Variants in GRB10 observed in about 807,000 individuals in gnomAD.
GRB10 encodes the protein growth factor receptor-bound protein 10.
A neutral mutation model predicts 80.9 loss-of-function variants in GRB10; 20 were observed. The ratio of observed to expected loss-of-function variants is 0.25; its 90% CI spans 0.17 to 0.36. The LOEUF is 0.36. GRB10 is among the 10% of genes least tolerant of loss of function. GRB10 has a pLI of 1.00. For synonymous variants in GRB10, 291 were observed against 291.5 expected, an observed-to-expected ratio of 1.00 and a Z score of 0.02; for missense variants, 548 against 747.7, an observed-to-expected ratio of 0.73 and a Z score of 3.12.
intron 7 of GRB10, among the ~76,000 whole-genome samples, chr7:50,652,010 C>G (rs1401594324): frequency 6.6e-6 from 1 of 152,224 alleles, no homozygotes; most frequent in Non-Finnish European, 1.5e-5. Context: ...CTCTTCATCT[C>G]AGGCTTCCAT....
intron 4 of GRB10, among the ~76,000 whole-genome samples, chr7:50,710,090 T>C (rs1403536746): frequency 6.6e-6 from 1 of 152,092 alleles, no homozygotes; most frequent in Non-Finnish European, 1.5e-5. Flanking sequence ...CCTTTGGCAC[T>C]TTCTCTGACA....
intron 3 of GRB10, among the ~76,000 whole-genome samples, chr7:50,732,911 G>A (rs2070112256): frequency 6.6e-6 from 1 of 152,086 alleles, no homozygotes; most frequent in Non-Finnish European, 1.5e-5. Flanking sequence ...TGTGGGCCAC[G>A]GCACCTAGTA....
intron 17 of GRB10, among the ~76,000 whole-genome samples, chr7:50,599,946 C>T (rs79531249): frequency 6.6e-6 from 1 of 152,178 alleles, no homozygotes; most frequent in Non-Finnish European, 1.5e-5. Flanking sequence ...ACACCCGCCC[C>T]CAAGGTTCAG....
chr7:50,626,789 C>G (rs751955116), intron 8 of GRB10, 33 bp downstream of exon 8: 1 of 1,613,448 alleles, frequency 6.2e-7, no homozygotes, highest in East Asian at 2.2e-5. Flanking sequence ...ATAAGCATCC[C>G]CAGGTGCCAA....
At chr7:50,710,898 C>T (rs1219905717) in intron 4 of GRB10, 2 of 1,612,710 alleles carry the variant, frequency 1.2e-6, no homozygotes, top group African/African-American at 2.7e-5. Context: ...AGAGGGCCGG[C>T]AGCTTGCATA....
At chr7:50,613,796 G>GTAT (rs989682140) in intron 12 of GRB10, among the ~76,000 whole-genome samples, 2 of 152,172 alleles carry the variant, frequency 1.3e-5, no homozygotes, top group Non-Finnish European at 2.9e-5. Flanking sequence ...AACCGAAAGA[G>GTAT]TATTCCCTGA....
At chr7:50,748,949 C>A (rs575476306) in intron 3 of GRB10, among the ~76,000 whole-genome samples, 6 of 152,240 alleles carry the variant, frequency 3.9e-5, no homozygotes, top group African/African-American at 1.4e-4. Context: ...AGAGGTGCTA[C>A]ATTAAAAGAC....
chr7:50,704,303 A>G (rs1405134177), intron 4 of GRB10, among the ~76,000 whole-genome samples: 1 of 152,242 alleles, frequency 6.6e-6, no homozygotes, highest in Admixed American at 6.5e-5. Context: ...TGGGACAGAA[A>G]CATCTAGAGA....
chr7:50,690,215 G>T (rs1002723273), intron 5 of GRB10, among the ~76,000 whole-genome samples: 1 of 152,028 alleles, frequency 6.6e-6, no homozygotes, highest in Non-Finnish European at 1.5e-5. Flanking sequence ...AGAATCGCTT[G>T]AACCCGGGAG....
chr7:50,597,575 C>G (rs1341493254), intron 17 of GRB10, among the ~76,000 whole-genome samples: 1 of 152,260 alleles, frequency 6.6e-6, no homozygotes, highest in Non-Finnish European at 1.5e-5. Context: ...TCTCCTTCTG[C>G]AGATGGGAAG....
intron 7 of GRB10, among the ~76,000 whole-genome samples, chr7:50,640,011 A>G (rs1307339196): frequency 1.3e-5 from 2 of 152,246 alleles, no homozygotes; most frequent in Non-Finnish European, 2.9e-5. Context: ...AAAGTATGGC[A>G]TGAAAGGCAT....
intron 5 of GRB10, among the ~76,000 whole-genome samples, chr7:50,683,786 A>G (rs1197437672): frequency 6.6e-6 from 1 of 152,192 alleles, no homozygotes; most frequent in African/African-American, 2.4e-5. Context: ...TAAGGGTGGT[A>G]AATTGTGTTA....
chr7:50,710,571 A>G (rs935994811), intron 4 of GRB10, among the ~76,000 whole-genome samples: 2 of 152,070 alleles, frequency 1.3e-5, no homozygotes, highest in Non-Finnish European at 2.9e-5. Context: ...ACTGCAACAC[A>G]CGGATGGAGG....
At chr7:50,792,794 C>T (rs150178389) in intron 1 of GRB10, 26 of 177,520 alleles carry the variant, frequency 1.5e-4, no homozygotes, top group African/African-American at 2.9e-4. Context: ...GACGCCTGGG[C>T]GCCCACCCTC....
intron 6 of GRB10, 44 bp from the exon 7 acceptor site, chr7:50,669,907 A>G (rs2060188564): frequency 1.3e-6 from 2 of 1,573,944 alleles, no homozygotes; most frequent in East Asian, 2.3e-5. Flanking sequence ...GCCATTCCCC[A>G]CATGACCCAG....
At chr7:50,791,333 A>G (rs2078906203) in intron 1 of GRB10, among the ~76,000 whole-genome samples, 1 of 152,200 alleles carries the variant, frequency 6.6e-6, no homozygotes, top group African/African-American at 2.4e-5. Flanking sequence ...GAAGGCTGGG[A>G]GCCCCCAGAC....
chr7:50,777,056 C>T (rs2077736031), intron 2 of GRB10, among the ~76,000 whole-genome samples: 1 of 142,226 alleles, frequency 7.0e-6, no homozygotes. Context: ...GTCTGTGCTG[C>T]TATAACAAAA....
intron 7 of GRB10, among the ~76,000 whole-genome samples, chr7:50,637,602 C>A (rs2153602874): frequency 1.3e-5 from 2 of 152,140 alleles, no homozygotes; most frequent in South Asian, 4.2e-4. Flanking sequence ...GAATCAGTAT[C>A]ATTAAAATGA....
chr7:50,622,152 A>T (rs2051890261), intron 8 of GRB10, among the ~76,000 whole-genome samples: 1 of 152,248 alleles, frequency 6.6e-6, no homozygotes. Context: ...GAAACTGTCA[A>T]CAGAGTAATC....
Sources: gnomAD v4.1 joint callset for allele counts (sites outside exome capture counted in the v4.1 genomes callset) on GRCh38, gnomAD v4.1.1 for gene constraint, MANE v1.5 for transcripts, NCBI Gene and HGNC (gene_info 2026-07-23, HGNC 2026-07-21) for gene names.